The following SLC9A4 variants were observed in gnomAD, a reference collection of about 807,000 sequenced individuals.
The protein encoded by SLC9A4 is solute carrier family 9 member A4, also known as sodium/hydrogen exchanger 4.
In SLC9A4, 63 loss-of-function variants were observed where a neutral mutation model predicts 67.4. That is an observed-to-expected ratio of 0.93 (90% CI 0.76 to 1.15). The LOEUF (loss-of-function observed/expected upper bound fraction) is 1.15. SLC9A4 is among the 50% of genes most tolerant of loss of function. The pLI, the probability that SLC9A4 is intolerant of heterozygous loss-of-function variation, is 0.00. For missense variants in SLC9A4, 1,089 were observed against 987.7 expected, an observed-to-expected ratio of 1.10 and a Z score of -1.38; for synonymous variants, 393 against 367.2, an observed-to-expected ratio of 1.07 and a Z score of -0.80.
chr2:102,524,960 G>T (rs931440698), intron 9 of SLC9A4, 64 bp from the exon 10 acceptor site: 3 of 1,594,906 alleles, frequency 1.9e-6, no homozygotes, highest in Non-Finnish European at 1.7e-6. Context: ...TGTTTCCATG[G>T]CTTCCTTGGC....
rs573800187 is a variant in SLC9A4, at chr2:102,532,747, G to A, written c.*59G>A. ...CAAGAGTCTGTCTTCCTATAACTGT[G>A]AAAGGAGGATTTCTGGAATTCAGAA... On this transcript the variant is annotated 3_prime_UTR_variant, in exon 12 of 12. Coordinates refer to ENST00000295269, the MANE Select transcript of SLC9A4 (RefSeq NM_001011552.4). 3 of 1,492,266 alleles carry A rather than the reference G, an allele frequency of 2.0e-6. No individual in the cohort carries two copies. The highest frequency in any genetic ancestry group is 2.7e-6 in the Non-Finnish European group (3 of 1,100,214). The allele number at this position is 1,492,266 out of a possible 1,614,324, so 92.4% of individuals were successfully genotyped here. A position where few individuals can be genotyped will look rare whatever the true frequency, so the allele number is the denominator to read the frequency against.
chr2:102,509,661 C>T (rs890730356), intron 6 of SLC9A4, among the ~76,000 whole-genome samples: 7 of 152,160 alleles, frequency 4.6e-5, no homozygotes, highest in Non-Finnish European at 8.8e-5. Flanking sequence ...GTTCAAAAAT[C>T]CCAAATCTCA....
chr2:102,503,160 T>C (rs941545221), intron 2 of SLC9A4, among the ~76,000 whole-genome samples: 1 of 152,192 alleles, frequency 6.6e-6, no homozygotes, highest in African/African-American at 2.4e-5. Flanking sequence ...AAGGGTTCAT[T>C]TGGAGTCTAG....
At chr2:102,493,293 C>A (rs1223819463) in intron 2 of SLC9A4, among the ~76,000 whole-genome samples, 1 of 150,188 alleles carries the variant, frequency 6.7e-6, no homozygotes, top group East Asian at 1.9e-4. Context: ...TCTACCTGTA[C>A]CAATTTACTG....
chr2:102,517,239 T>C (rs900195249), intron 8 of SLC9A4, among the ~76,000 whole-genome samples: 3 of 152,206 alleles, frequency 2.0e-5, no homozygotes, highest in African/African-American at 7.2e-5. Context: ...GGTTCCACTG[T>C]GTGCACCGCA....
chr2:102,503,480 G>A lies in SLC9A4; in HGVS notation c.753G>A (p.Lys251=). The change falls in exon 3 of 12, where the codon AAG becomes AAA. Residue 251 remains lysine, a synonymous_variant. Coordinates refer to ENST00000295269, the MANE Select transcript of SLC9A4 (RefSeq NM_001011552.4). The part of the protein sequence containing the change: ...VLYNMLIAFT[K]MHKFEDIETV... ...ACAATATGTTAATTGCCTTTACAAAGATGCATAAATTTGAAGACATAGAAA... is the reference window on the plus strand; with the variant it reads ...ACAATATGTTAATTGCCTTTACAAAAATGCATAAATTTGAAGACATAGAAA... 1 of 1,612,844 alleles carries A rather than the reference G, an allele frequency of 6.2e-7. No individual in the cohort carries two copies. The highest frequency in any genetic ancestry group is 8.5e-7 in the Non-Finnish European group (1 of 1,179,046).
intron 2 of SLC9A4, among the ~76,000 whole-genome samples, chr2:102,482,386 T>C (rs1028679191): frequency 1.3e-5 from 2 of 152,204 alleles, no homozygotes; most frequent in Non-Finnish European, 2.9e-5. Context: ...GAGAAACTGA[T>C]ATATGTTGAT....
At chr2:102,476,741 A>AAGGAAGAAGGAGGAGGAAGAG (rs2104411068) in intron 1 of SLC9A4, among the ~76,000 whole-genome samples, 1 of 152,242 alleles carries the variant, frequency 6.6e-6, no homozygotes, top group African/African-American at 2.4e-5. Flanking sequence ...GAGGAGGAAA[A>AAGGAAGAAGGAGGAGGAAGAG]AGGAAGAAGG....
intron 2 of SLC9A4, among the ~76,000 whole-genome samples, chr2:102,493,411 C>G (rs1352734022): frequency 1.3e-5 from 2 of 151,676 alleles, no homozygotes; most frequent in African/African-American, 4.9e-5. Flanking sequence ...GGAGGCCTCA[C>G]AATTATGGCA....
Position 102,487,178 on chromosome 2 carries a change from GGT to G in SLC9A4, c.720+7903_720+7904del, listed in dbSNP as rs55756786. 1.3e-3 allele frequency among the ~76,000 whole-genome samples: 193 copies of G among 149,078 alleles called. 2 individuals are homozygous for G. The South Asian group carries it at 0.019, about 15-fold the overall frequency. On this transcript the variant is annotated intron_variant, in intron 2 of 11. Transcript: ENST00000295269. ...ACGGTGAACTTCTCAGCTCACAGCT[GGT>G]GTGTGTGTGTGTGTGTGTGTGTGTG...
At chr2:102,509,938 T>C (rs1685126711) in intron 6 of SLC9A4, among the ~76,000 whole-genome samples, 1 of 152,004 alleles carries the variant, frequency 6.6e-6, no homozygotes, top group African/African-American at 2.4e-5. Flanking sequence ...GGGCTGGGAA[T>C]CCCCTAATCT....
chr2:102,532,589 C>G lies in SLC9A4; in HGVS notation c.2298C>G (p.Gly766=). 6.2e-7 allele frequency: 1 copy of G among 1,613,948 alleles called. No homozygotes were observed. The highest frequency in any genetic ancestry group is 8.5e-7 in the Non-Finnish European group (1 of 1,179,946). Residue 766 remains glycine, a synonymous_variant, in exon 12 of 12, where the codon GGC becomes GGG. Coordinates refer to ENST00000295269, the MANE Select transcript of SLC9A4 (RefSeq NM_001011552.4). ...GTGAGTCTGGAGGGGAGAGTGAGGG[C>G]AAGGCCTCTTTGGTTGAGGTTCGGT... The part of the protein sequence containing the change: ...EEGESGGESE[G]KASLVEVRSR...
At chr2:102,509,685 C>T (rs778635026) in intron 6 of SLC9A4, among the ~76,000 whole-genome samples, 1 of 152,232 alleles carries the variant, frequency 6.6e-6, no homozygotes, top group Non-Finnish European at 1.5e-5. Flanking sequence ...TCTCCATCAT[C>T]TAGAGCAGGG....
intron 8 of SLC9A4, among the ~76,000 whole-genome samples, chr2:102,518,962 T>C (rs1685337002): frequency 6.6e-6 from 1 of 152,226 alleles, no homozygotes; most frequent in African/African-American, 2.4e-5. Context: ...TCTCTCCTTT[T>C]TGTTCTTATG....
chr2:102,508,107 C>A lies in SLC9A4; in HGVS notation c.1227C>A (p.Asn409Lys). ...TATTTGCTCTCTTCTATATCAGTAA[C>A]CAGTTTCGGACTTTCCCCTTCTCCA... ...ISVFALFYIS[N>K]QFRTFPFSIK... The change falls in exon 5 of 12, where the codon AAC becomes AAA. Residue 409 changes from asparagine to lysine, a missense_variant. By Grantham distance (94) the Asn-to-Lys change is moderately conservative. Transcript: ENST00000295269. 6.2e-7 allele frequency: 1 copy of A among 1,614,154 alleles called. No homozygotes were observed. The highest frequency in any genetic ancestry group is 8.5e-7 in the Non-Finnish European group (1 of 1,180,016).
chr2:102,523,046 G>A (rs1674567428), intron 9 of SLC9A4, among the ~76,000 whole-genome samples: 1 of 151,968 alleles, frequency 6.6e-6, no homozygotes, highest in African/African-American at 2.4e-5. Context: ...ATGGCTCACT[G>A]GGGCTTTGAC....
At chr2:102,514,068 A>G in intron 7 of SLC9A4, 22 bp from the exon 8 acceptor site, 1 of 1,607,540 alleles carries the variant, frequency 6.2e-7, no homozygotes, top group Non-Finnish European at 8.5e-7. Flanking sequence ...AAGATTTCCA[A>G]AATGTTGGTT....
Position 102,478,989 on chromosome 2 carries a change from C to T in SLC9A4, c.407C>T (p.Pro136Leu). Residue 136 changes from proline (P) to leucine (L), a missense_variant, in exon 2 of 12, where the codon CCA (proline) becomes CTA (leucine). Physicochemically the swap from Pro to Leu is moderately conservative, Grantham distance 98 (BLOSUM62 -3). Coordinates refer to ENST00000295269, the MANE Select transcript of SLC9A4 (RefSeq NM_001011552.4). ...DSSIYFLYLL[P>L]PIVLEGGYFM... is the part of the protein sequence containing the mutation. ...AGCATCTACTTCCTGTATCTCCTGCCACCCATCGTTCTGGAGGGCGGCTAC... is the reference window on the plus strand; with the variant it reads ...AGCATCTACTTCCTGTATCTCCTGCTACCCATCGTTCTGGAGGGCGGCTAC... The T allele has an allele frequency of 1.2e-6, 2 of 1,614,138 alleles. No individual in the cohort carries two copies. The highest frequency in any genetic ancestry group is 1.7e-6 in the Non-Finnish European group (2 of 1,180,048).
chr2:102,475,731 T>C (rs539641156), intron 1 of SLC9A4, among the ~76,000 whole-genome samples: 10 of 152,312 alleles, frequency 6.6e-5, no homozygotes, highest in African/African-American at 2.2e-4. Context: ...TTATATTCCA[T>C]ATGGACATGA....
Sources: gnomAD v4.1 joint callset for allele counts (sites outside exome capture counted in the v4.1 genomes callset) on GRCh38, gnomAD v4.1.1 for gene constraint, MANE v1.5 for transcripts, NCBI Gene and HGNC (gene_info 2026-07-23, HGNC 2026-07-21) for gene names.